Variants in DLG2 observed in about 807,000 individuals in gnomAD.
The protein encoded by DLG2 is discs large MAGUK scaffold protein 2.
Under a neutral mutation model 132.5 loss-of-function variants are expected in DLG2, and 45 were observed. The ratio of observed to expected loss-of-function variants is 0.34; its 90% CI spans 0.27 to 0.44. The LOEUF (loss-of-function observed/expected upper bound fraction) is 0.44, where lower values mean the gene tolerates loss of function less well. DLG2 is among the 20% of genes least tolerant of loss of function. The probability of loss-of-function intolerance (pLI) is 1.00; values close to 1 mark genes in which losing one functional copy is unlikely to be tolerated. For synonymous variants in DLG2, 424 were observed against 419.6 expected, an observed-to-expected ratio of 1.01 and a Z score of -0.13; for missense variants, 1,045 against 1,196.9, an observed-to-expected ratio of 0.87 and a Z score of 1.87.
intron 11 of DLG2, among the ~76,000 whole-genome samples, chr11:84,035,658 G>GTAGA (rs747162187): frequency 5.9e-5 from 9 of 152,184 alleles, no homozygotes; most frequent in Non-Finnish European, 1.3e-4. Flanking sequence ...GGGGAAGCTA[G>GTAGA]TAGATAGTTT....
chr11:84,250,768 C>A (rs1009799830), intron 8 of DLG2, among the ~76,000 whole-genome samples: 2 of 152,188 alleles, frequency 1.3e-5, no homozygotes, highest in African/African-American at 4.8e-5. Flanking sequence ...AAAACCATAA[C>A]TTTCATTATA....
chr11:85,013,049 C>T (rs187039792), intron 6 of DLG2, among the ~76,000 whole-genome samples: 1 of 152,192 alleles, frequency 6.6e-6, no homozygotes, highest in Non-Finnish European at 1.5e-5. Flanking sequence ...TGTCATGTAC[C>T]TGCCTTCAGA....
At chr11:85,483,626 G>C (rs1478407152) in intron 3 of DLG2, among the ~76,000 whole-genome samples, 1 of 152,144 alleles carries the variant, frequency 6.6e-6, no homozygotes, top group Non-Finnish European at 1.5e-5. Context: ...TATAACTTTA[G>C]TATGAAGGTT....
At chr11:84,271,190 T>A (rs1010981510) in intron 7 of DLG2, among the ~76,000 whole-genome samples, 3 of 152,170 alleles carry the variant, frequency 2.0e-5, no homozygotes, top group Non-Finnish European at 4.4e-5. Context: ...GATGATATAA[T>A]CATATGTTTA....
chr11:84,835,669 A>G lies in DLG2; in HGVS notation c.357+275992T>C, dbSNP rs145862702. Among the ~76,000 whole-genome samples, 118 of 151,902 alleles carry G rather than the reference A, an allele frequency of 7.8e-4. 1 individual carries two copies. The highest frequency in any genetic ancestry group is 2.8e-3 in the African/African-American group (117 of 41,516). ...CATCATACAGCTGGCTGTACTGGCTATATACATTTTGATTAATATATTTTT... is the reference window on the plus strand; with the variant it reads ...CATCATACAGCTGGCTGTACTGGCTGTATACATTTTGATTAATATATTTTT... On this transcript the variant is annotated intron_variant, in intron 6 of 27. Coordinates refer to ENST00000376104, the MANE Select transcript of DLG2 (RefSeq NM_001142699.3).
At chr11:85,394,290 T>C (rs554647802) in intron 3 of DLG2, among the ~76,000 whole-genome samples, 3 of 152,356 alleles carry the variant, frequency 2.0e-5, no homozygotes, top group Admixed American at 1.3e-4. Flanking sequence ...TGGTACACCA[T>C]AAATATATTT....
intron 6 of DLG2, among the ~76,000 whole-genome samples, chr11:84,731,503 A>G (rs2063149538): frequency 6.6e-6 from 1 of 151,996 alleles, no homozygotes; most frequent in African/African-American, 2.4e-5. Flanking sequence ...TTGAGATAAG[A>G]AAAATAAGTG....
At chr11:84,724,519 G>A (rs1348982863) in intron 6 of DLG2, among the ~76,000 whole-genome samples, 1 of 152,124 alleles carries the variant, frequency 6.6e-6, no homozygotes, top group Non-Finnish European at 1.5e-5. Context: ...AGTCATGAGA[G>A]AATATTTATA....
chr11:84,962,487 T>A (rs968734604), intron 6 of DLG2, among the ~76,000 whole-genome samples: 1 of 152,230 alleles, frequency 6.6e-6, no homozygotes, highest in Non-Finnish European at 1.5e-5. Flanking sequence ...ATCAAATTTA[T>A]ATATTTACTA....
chr11:84,561,808 T>C (rs1440291274), intron 6 of DLG2, among the ~76,000 whole-genome samples: 1 of 152,142 alleles, frequency 6.6e-6, no homozygotes, highest in African/African-American at 2.4e-5. Flanking sequence ...ATGAACCTTG[T>C]ACACAATACA....
intron 3 of DLG2, among the ~76,000 whole-genome samples, chr11:85,334,425 A>T (rs927348588): frequency 3.3e-5 from 5 of 151,820 alleles, no homozygotes; most frequent in Non-Finnish European, 4.4e-5. Flanking sequence ...TCATGTCTCA[A>T]TTTTGTTGTA....
At chr11:84,072,038 G>C (rs772040126) in intron 10 of DLG2, among the ~76,000 whole-genome samples, 4 of 152,242 alleles carry the variant, frequency 2.6e-5, no homozygotes, top group Non-Finnish European at 4.4e-5. Flanking sequence ...CCTTGGCACT[G>C]AGCTGTCTCT....
intron 3 of DLG2, among the ~76,000 whole-genome samples, chr11:85,465,393 G>C (rs1484769472): frequency 6.6e-6 from 1 of 151,966 alleles, no homozygotes; most frequent in Non-Finnish European, 1.5e-5. Context: ...CCATGCTGGT[G>C]TGCTGCACCC....
intron 6 of DLG2, among the ~76,000 whole-genome samples, chr11:84,965,618 C>T (rs558945713): frequency 3.3e-5 from 5 of 152,154 alleles, no homozygotes; most frequent in East Asian, 1.9e-4. Flanking sequence ...TAATCAGCAA[C>T]AAAACCTTAA....
intron 4 of DLG2, among the ~76,000 whole-genome samples, chr11:85,245,885 C>G (rs1219224426): frequency 1.3e-5 from 2 of 151,808 alleles, no homozygotes; most frequent in Non-Finnish European, 2.9e-5. Context: ...TAGTTGTTCT[C>G]TCTGCTTGAG....
chr11:83,665,684 T>C (rs1444966997), intron 18 of DLG2, among the ~76,000 whole-genome samples: 1 of 152,180 alleles, frequency 6.6e-6, no homozygotes, highest in Non-Finnish European at 1.5e-5. Context: ...AACCATTCCG[T>C]ATGTTCTAGA....
At chr11:84,108,425 T>A (rs115899438) in intron 9 of DLG2, among the ~76,000 whole-genome samples, 6 of 152,062 alleles carry the variant, frequency 3.9e-5, no homozygotes, top group Non-Finnish European at 8.8e-5. Flanking sequence ...ACATTTTTCA[T>A]TGAAACTGAA....
At chr11:85,465,707 G>C in intron 3 of DLG2, among the ~76,000 whole-genome samples, 1 of 152,284 alleles carries the variant, frequency 6.6e-6, no homozygotes, top group East Asian at 1.9e-4. Flanking sequence ...GTCTATCATT[G>C]ATGGACATTT....
intron 6 of DLG2, among the ~76,000 whole-genome samples, chr11:84,963,504 T>C (rs1480770825): frequency 1.3e-5 from 2 of 152,136 alleles, no homozygotes; most frequent in Non-Finnish European, 2.9e-5. Flanking sequence ...CATTAACTGT[T>C]CCAGAGACAG....
Sources: allele counts gnomAD v4.1 joint callset (sites outside exome capture counted in the v4.1 genomes callset), GRCh38; gene constraint gnomAD v4.1.1; transcripts MANE v1.5; gene names NCBI Gene and HGNC (gene_info 2026-07-23, HGNC 2026-07-21).